Variants in ZFPM2 observed in about 807,000 individuals in gnomAD.
ZFPM2 encodes zinc finger protein ZFPM2.
A neutral mutation model predicts 98.6 loss-of-function variants in ZFPM2; 20 were observed. The ratio of observed to expected loss-of-function variants is 0.20; its 90% CI spans 0.14 to 0.29. The LOEUF is 0.29. Ranked by LOEUF, ZFPM2 falls within the 10% of genes least tolerant of loss-of-function variation. The pLI is 1.00. For missense variants in ZFPM2, 1,310 were observed against 1,388.6 expected (o/e 0.94, Z 0.90); for synonymous variants, 518 against 502.7 (o/e 1.03, Z -0.41).
At chr8:105,759,860 T>G (rs910282729) in intron 5 of ZFPM2, among the ~76,000 whole-genome samples, 3 of 151,964 alleles carry the variant, frequency 2.0e-5, no homozygotes, top group Non-Finnish European at 2.9e-5. Flanking sequence ...GATAATGATA[T>G]CCCTACATTT....
intron 3 of ZFPM2, among the ~76,000 whole-genome samples, chr8:105,502,519 G>A (rs1813616314): frequency 6.6e-6 from 1 of 152,130 alleles, no homozygotes. Flanking sequence ...GACGATCTTG[G>A]TAATTATAGA....
At chr8:105,331,441 G>C (rs996085529) in intron 1 of ZFPM2, among the ~76,000 whole-genome samples, 2 of 151,572 alleles carry the variant, frequency 1.3e-5, no homozygotes, top group Non-Finnish European at 3.0e-5. Flanking sequence ...GGAGGTTCCG[G>C]TATGGGATGT....
At chr8:105,466,467 A>G (rs77979512) in intron 3 of ZFPM2, among the ~76,000 whole-genome samples, 1 of 152,194 alleles carries the variant, frequency 6.6e-6, no homozygotes, top group East Asian at 1.9e-4. Flanking sequence ...TGTTAGTGAT[A>G]TTCTAAAGCT....
intron 1 of ZFPM2, among the ~76,000 whole-genome samples, chr8:105,405,684 G>A (rs1168396205): frequency 1.3e-5 from 2 of 151,916 alleles, no homozygotes; most frequent in Non-Finnish European, 2.9e-5. Context: ...TATCATTGTT[G>A]GACATTTGGG....
intron 1 of ZFPM2, among the ~76,000 whole-genome samples, chr8:105,417,529 A>G (rs1811702374): frequency 6.6e-6 from 1 of 152,166 alleles, no homozygotes; most frequent in Non-Finnish European, 1.5e-5. Context: ...ATTCTATTAT[A>G]GTTCTCATTA....
intron 5 of ZFPM2, among the ~76,000 whole-genome samples, chr8:105,692,424 A>C (rs142310993): frequency 9.8e-5 from 15 of 152,356 alleles, no homozygotes; most frequent in African/African-American, 3.4e-4. Flanking sequence ...GTGCAAATAC[A>C]TAAAAATTTT....
intron 1 of ZFPM2, among the ~76,000 whole-genome samples, chr8:105,383,414 C>T (rs74740289): frequency 0.02 from 3,114 of 152,094 alleles, 96 homozygotes; most frequent in African/African-American, 0.071. Context: ...GTCCAGCAGC[C>T]GAATTCTTGG....
At chr8:105,419,337 C>T in intron 2 of ZFPM2, 35 bp downstream of exon 2, 2 of 1,593,620 alleles carry the variant, frequency 1.3e-6, no homozygotes, top group Non-Finnish European at 1.7e-6. Context: ...TATGTGAGTC[C>T]ACTTAAATGA....
chr8:105,414,074 C>A (rs1811632015), intron 1 of ZFPM2, among the ~76,000 whole-genome samples: 1 of 151,910 alleles, frequency 6.6e-6, no homozygotes, highest in Non-Finnish European at 1.5e-5. Context: ...GGTGGCTAGT[C>A]TTGTGCAGCT....
chr8:105,467,807 C>A (rs1309638062), intron 3 of ZFPM2, among the ~76,000 whole-genome samples: 1 of 151,856 alleles, frequency 6.6e-6, no homozygotes, highest in Non-Finnish European at 1.5e-5. Context: ...AAATATGCTA[C>A]CCCTAGTCTC....
chr8:105,347,919 A>G (rs577635654), intron 1 of ZFPM2, among the ~76,000 whole-genome samples: 1 of 152,320 alleles, frequency 6.6e-6, no homozygotes, highest in Admixed American at 6.5e-5. Context: ...GACATACTCA[A>G]GGCTTTAAAG....
chr8:105,542,293 T>C (rs1053441832), intron 3 of ZFPM2, among the ~76,000 whole-genome samples: 2 of 152,192 alleles, frequency 1.3e-5, no homozygotes, highest in Non-Finnish European at 2.9e-5. Flanking sequence ...TTCTCCCCTT[T>C]GAATTGTATG....
intron 4 of ZFPM2, among the ~76,000 whole-genome samples, chr8:105,611,918 G>A (rs1472579776): frequency 2.0e-5 from 3 of 151,782 alleles, no homozygotes; most frequent in Admixed American, 6.6e-5. Context: ...GGCTGGTCTC[G>A]AACTCCTGAC....
chr8:105,500,048 G>T lies in ZFPM2; in HGVS notation c.301+55667G>T, dbSNP rs768244016. On this transcript the variant is annotated intron_variant, in intron 3 of 7. Coordinates refer to ENST00000407775, the MANE Select transcript of ZFPM2 (RefSeq NM_012082.4). ...TACTTGTCTCCGTTATTGCAGAGAA[G>T]AATCAATTGGATTTGTCTAAAACTC... 2.0e-5 allele frequency among the ~76,000 whole-genome samples: 3 copies of T among 152,272 alleles called. No homozygotes were observed. The East Asian group carries it at 5.8e-4, about 29-fold the overall frequency.
chr8:105,643,070 C>T (rs529403615), intron 5 of ZFPM2, among the ~76,000 whole-genome samples: 3 of 152,170 alleles, frequency 2.0e-5, no homozygotes, highest in East Asian at 3.9e-4. Context: ...ATGGAAGCAG[C>T]GGGGAGAGCT....
intron 6 of ZFPM2, among the ~76,000 whole-genome samples, chr8:105,790,125 AT>A (rs1813556560): frequency 1.3e-5 from 2 of 151,524 alleles, no homozygotes; most frequent in African/African-American, 4.9e-5. Context: ...TTTTGTAGCC[AT>A]TGCTTTTGGT....
intron 3 of ZFPM2, among the ~76,000 whole-genome samples, chr8:105,537,418 G>C (rs1814476170): frequency 6.6e-6 from 1 of 152,190 alleles, no homozygotes; most frequent in Non-Finnish European, 1.5e-5. Context: ...GCTTATGTCT[G>C]TAATCCCAGG....
intron 5 of ZFPM2, among the ~76,000 whole-genome samples, chr8:105,781,283 T>C (rs1477888009): frequency 7.1e-6 from 1 of 140,458 alleles, no homozygotes; most frequent in Non-Finnish European, 1.5e-5. Context: ...AAACTTGCAA[T>C]TTAAGGAATT....
At position 105,803,750 on chromosome 8, in the gene ZFPM2, C is replaced by T. The variant is rs562435569; in HGVS notation, c.*212C>T. The T allele has an allele frequency of 1.8e-5, 10 of 544,338 alleles. No homozygotes were observed. The South Asian group carries it at 2.4e-4, about 13-fold the overall frequency. The allele number at this position is 544,338 out of a possible 1,614,324, so 33.7% of individuals were successfully genotyped here. On this transcript the variant is annotated 3_prime_UTR_variant, in exon 8 of 8. Transcript: ENST00000407775. ...CAAAAAAATTAATTTATTTTACCAG[C>T]AGTATTCATAGCTGTGGTTATGTTA...
Sources: gnomAD v4.1 joint callset for allele counts (sites outside exome capture counted in the v4.1 genomes callset) on GRCh38, gnomAD v4.1.1 for gene constraint, MANE v1.5 for transcripts, NCBI Gene and HGNC (gene_info 2026-07-23, HGNC 2026-07-21) for gene names.